SPAG16: variants seen among roughly 807,000 people sequenced by gnomAD.
The protein encoded by SPAG16 is sperm associated antigen 16, also known as sperm-associated antigen 16 protein.
In SPAG16, 86 loss-of-function variants were observed where a neutral mutation model predicts 80.4. The observed-to-expected ratio is 1.07, with a 90% CI of 0.90 to 1.28. SPAG16 has a LOEUF of 1.28. Ranked by LOEUF, SPAG16 falls within the 50% of genes most tolerant of loss-of-function variation. SPAG16 has a pLI of 0.00. For synonymous variants in SPAG16, 294 were observed against 265.9 expected, an observed-to-expected ratio of 1.11 and a Z score of -1.03; for missense variants, 870 against 765.3, an observed-to-expected ratio of 1.14 and a Z score of -1.61.
intron 10 of SPAG16, among the ~76,000 whole-genome samples, chr2:213,540,562 A>C (rs922516947): frequency 5.3e-5 from 8 of 152,102 alleles, no homozygotes; most frequent in Non-Finnish European, 1.2e-4. Context: ...TAATTAACAA[A>C]AGTTTCTCAG....
In SPAG16 at chr2:213,985,763, C is replaced by T. The variant is rs76252788; in HGVS notation, c.1401-28188C>T. 6.3e-3 allele frequency among the ~76,000 whole-genome samples: 951 copies of T among 152,074 alleles called. 7 individuals are homozygous for T. Among genetic ancestry groups the T allele is most frequent in the African/African-American group, 0.022 (911 of 41,498 alleles). Reference sequence around the variant, plus strand: ...GAGTACGCAAATGGTAATCATTCTCCTAATCAATTCTATCATATGGAGAAA... The same window carrying T: ...GAGTACGCAAATGGTAATCATTCTCTTAATCAATTCTATCATATGGAGAAA... On this transcript the variant is annotated intron_variant, in intron 12 of 15. Coordinates refer to ENST00000331683, the MANE Select transcript of SPAG16 (RefSeq NM_024532.5).
chr2:213,887,168 A>G (rs1173689913), intron 11 of SPAG16, among the ~76,000 whole-genome samples: 1 of 152,106 alleles, frequency 6.6e-6, no homozygotes, highest in East Asian at 1.9e-4. Flanking sequence ...AGAATAAGAA[A>G]TTAACACTGG....
chr2:213,675,090 G>C (rs1372658992), intron 10 of SPAG16, among the ~76,000 whole-genome samples: 1 of 151,836 alleles, frequency 6.6e-6, no homozygotes, highest in African/African-American at 2.4e-5. Flanking sequence ...AGTGGTGTGA[G>C]ATGATATCTC....
At chr2:213,466,525 A>C (rs1382258128) in intron 9 of SPAG16, among the ~76,000 whole-genome samples, 1 of 151,916 alleles carries the variant, frequency 6.6e-6, no homozygotes, top group Admixed American at 6.6e-5. Flanking sequence ...ATGCCCAAGA[A>C]CCCCCTCAGT....
At chr2:214,181,973 G>C (rs190958475) in intron 15 of SPAG16, among the ~76,000 whole-genome samples, 2 of 151,632 alleles carry the variant, frequency 1.3e-5, no homozygotes, top group Admixed American at 1.3e-4. Flanking sequence ...CTTCATACAC[G>C]TACAAACTCA....
chr2:213,693,315 C>T (rs2065023442), intron 10 of SPAG16, among the ~76,000 whole-genome samples: 1 of 152,172 alleles, frequency 6.6e-6, no homozygotes, highest in South Asian at 2.1e-4. Context: ...AGTCAGCATA[C>T]AAATAGAACA....
chr2:214,396,305 G>T (rs1352198625), intron 15 of SPAG16, among the ~76,000 whole-genome samples: 1 of 151,470 alleles, frequency 6.6e-6, no homozygotes, highest in African/African-American at 2.4e-5. Flanking sequence ...ATTATATTTA[G>T]TATCTTCATT....
At chr2:214,165,115 A>G (rs2125614634) in intron 15 of SPAG16, among the ~76,000 whole-genome samples, 1 of 152,244 alleles carries the variant, frequency 6.6e-6, no homozygotes, top group Middle Eastern at 3.4e-3. Flanking sequence ...TTTTAGTATT[A>G]TCAGCCTGAC....
At chr2:213,962,197 GTTT>G (rs1428699030) in intron 12 of SPAG16, among the ~76,000 whole-genome samples, 1 of 141,472 alleles carries the variant, frequency 7.1e-6, no homozygotes, top group African/African-American at 2.6e-5. Flanking sequence ...CTTTTTTTAT[GTTT>G]TTTTTTTTTT....
chr2:213,489,376 C>A (rs7563592), intron 9 of SPAG16, among the ~76,000 whole-genome samples: 66,674 of 151,814 alleles, frequency 0.44, 15,720 homozygotes, highest in African/African-American at 0.59. Flanking sequence ...CTTGGTGGAG[C>A]GGGCGGTGAC....
At chr2:213,769,690 C>A (rs1002668210) in intron 10 of SPAG16, among the ~76,000 whole-genome samples, 4 of 152,180 alleles carry the variant, frequency 2.6e-5, no homozygotes, top group Non-Finnish European at 4.4e-5. Context: ...TTAAATATGT[C>A]TCTTTCTGTT....
chr2:214,159,922 C>T (rs1479604042), intron 15 of SPAG16, among the ~76,000 whole-genome samples: 1 of 151,978 alleles, frequency 6.6e-6, no homozygotes, highest in Non-Finnish European at 1.5e-5. Context: ...ATCTGTTGGT[C>T]TAACAGTGAG....
intron 11 of SPAG16, among the ~76,000 whole-genome samples, chr2:213,927,508 T>C (rs2078538433): frequency 6.6e-6 from 1 of 152,262 alleles, no homozygotes; most frequent in South Asian, 2.1e-4. Context: ...AGGCCATGTT[T>C]TTGAAAGGCA....
intron 15 of SPAG16, among the ~76,000 whole-genome samples, chr2:214,409,805 C>T (rs1262586909): frequency 6.6e-6 from 1 of 152,072 alleles, no homozygotes; most frequent in Non-Finnish European, 1.5e-5. Flanking sequence ...AGAAAGTTGC[C>T]TTGCATAGTT....
intron 13 of SPAG16, among the ~76,000 whole-genome samples, chr2:214,029,780 C>T (rs76533912): frequency 6.6e-5 from 10 of 152,024 alleles, no homozygotes; most frequent in Admixed American, 3.3e-4. Flanking sequence ...ATAAATAAAA[C>T]GTATGAAATT....
chr2:213,284,468 G>A lies in SPAG16; in HGVS notation c.-16G>A, dbSNP rs1428367512. 1 of 1,555,748 alleles carries A rather than the reference G, an allele frequency of 6.4e-7. No individual in the cohort carries two copies. Among genetic ancestry groups the A allele is most frequent in the Non-Finnish European group, 8.7e-7 (1 of 1,150,824 alleles). On this transcript the variant is annotated 5_prime_UTR_variant, in exon 1 of 16. Coordinates refer to ENST00000331683, the MANE Select transcript of SPAG16 (RefSeq NM_024532.5). ...GGCTGTGGGCCTGCTGGGGGTGGGG[G>A]CCCGAAGCGCCAGAGATGGCTGCTC...
At chr2:213,994,822 G>T (rs1262209164) in intron 12 of SPAG16, among the ~76,000 whole-genome samples, 1 of 151,996 alleles carries the variant, frequency 6.6e-6, no homozygotes, top group Non-Finnish European at 1.5e-5. Flanking sequence ...CCAAAGACAG[G>T]CAATTCAGTT....
At chr2:214,110,947 G>C (rs1460214336) in intron 14 of SPAG16, among the ~76,000 whole-genome samples, 2 of 152,178 alleles carry the variant, frequency 1.3e-5, no homozygotes, top group South Asian at 2.1e-4. Flanking sequence ...AGAAGTGTCT[G>C]TTCATGTCCT....
At chr2:213,922,340 A>G (rs1442281129) in intron 11 of SPAG16, among the ~76,000 whole-genome samples, 2 of 152,092 alleles carry the variant, frequency 1.3e-5, no homozygotes, top group Non-Finnish European at 1.5e-5. Context: ...TGATTTAATT[A>G]TGCAATTCTT....
Sources: gnomAD v4.1 joint callset for allele counts (sites outside exome capture counted in the v4.1 genomes callset) on GRCh38, gnomAD v4.1.1 for gene constraint, MANE v1.5 for transcripts, NCBI Gene and HGNC (gene_info 2026-07-23, HGNC 2026-07-21) for gene names.